AGAP1: variants seen among roughly 807,000 people sequenced by gnomAD.
AGAP1 encodes arf-GAP with GTPase, ANK repeat and PH domain-containing protein 1.
Under a neutral mutation model 105.3 loss-of-function variants are expected in AGAP1, and 29 were observed. The observed-to-expected ratio is 0.28, with a 90% CI of 0.21 to 0.38. The LOEUF is 0.38. Ranked by LOEUF, AGAP1 falls within the 10% of genes least tolerant of loss-of-function variation. The pLI is 1.00. For synonymous variants in AGAP1, 509 were observed against 485.9 expected, an observed-to-expected ratio of 1.05 and a Z score of -0.63; for missense variants, 998 against 1,165.1, an observed-to-expected ratio of 0.86 and a Z score of 2.09.
intron 1 of AGAP1, among the ~76,000 whole-genome samples, chr2:235,497,723 T>G (rs934557639): frequency 6.6e-6 from 1 of 152,206 alleles, no homozygotes; most frequent in East Asian, 1.9e-4. Flanking sequence ...GCCTCCCGAG[T>G]AGCTGGGACT....
chr2:236,100,832 GAA>G (rs72435294), intron 16 of AGAP1, among the ~76,000 whole-genome samples: 7 of 108,780 alleles, frequency 6.4e-5, no homozygotes, highest in Admixed American at 9.7e-5. Flanking sequence ...TCCCTCTCAA[GAA>G]AAAAAAAAAA....
chr2:235,784,393 G>A (rs1037768117), intron 6 of AGAP1, among the ~76,000 whole-genome samples: 1 of 152,110 alleles, frequency 6.6e-6, no homozygotes, highest in African/African-American at 2.4e-5. Context: ...CTAAATCACA[G>A]CAGATTACAG....
chr2:235,836,174 G>A (rs543258480), intron 9 of AGAP1, among the ~76,000 whole-genome samples: 9 of 152,156 alleles, frequency 5.9e-5, no homozygotes, highest in Non-Finnish European at 1.3e-4. Flanking sequence ...AGAGTAAACT[G>A]AACAGCACAG....
rs914185244 is a variant in AGAP1 at position 236,001,359 on chromosome 2, G to A, written c.1645+32736G>A. ...CGGTGCATTGTGGCAGGTGCAGGCCGCTAGTGCCCCCCACCCAGTCTCTGT... is the reference window on the plus strand; with the variant it reads ...CGGTGCATTGTGGCAGGTGCAGGCCACTAGTGCCCCCCACCCAGTCTCTGT... On this transcript the variant is annotated intron_variant, in intron 13 of 17. Coordinates refer to ENST00000304032, the MANE Select transcript of AGAP1 (RefSeq NM_001037131.3). This position sits in a 1 kb window ranked among gnomAD's most constrained non-coding sequence, Gnocchi z 4.7. Among the ~76,000 whole-genome samples the A allele has an allele frequency of 5.9e-5, 9 of 152,214 alleles. No homozygotes were observed. Among genetic ancestry groups the A allele is most frequent in the Non-Finnish European group, 8.8e-5 (6 of 68,042 alleles).
At chr2:235,634,244 A>G (rs922522020) in intron 1 of AGAP1, among the ~76,000 whole-genome samples, 11 of 152,330 alleles carry the variant, frequency 7.2e-5, no homozygotes, top group African/African-American at 2.6e-4. Flanking sequence ...GCATTGGTGC[A>G]TTGCTAGAGG....
chr2:235,902,709 C>G (rs954128209), intron 10 of AGAP1, among the ~76,000 whole-genome samples: 1 of 152,072 alleles, frequency 6.6e-6, no homozygotes, highest in South Asian at 2.1e-4. Flanking sequence ...AAATCTTGTC[C>G]CACCAAAAAA....
chr2:235,823,566 G>T (rs1242557070), intron 9 of AGAP1, among the ~76,000 whole-genome samples: 1 of 152,172 alleles, frequency 6.6e-6, no homozygotes, highest in Non-Finnish European at 1.5e-5. Context: ...TAAAGAGCTT[G>T]CTCAAGGTCC....
rs754635107 is a variant in AGAP1, at chr2:235,965,585, C to A, written c.1484-2877C>A. Among the ~76,000 whole-genome samples, 6 of 152,208 alleles carry A rather than the reference C, an allele frequency of 3.9e-5. No homozygotes were observed. The East Asian group carries it at 5.8e-4, about 15-fold the overall frequency. On this transcript the variant is annotated intron_variant, in intron 12 of 17. Coordinates refer to ENST00000304032, the MANE Select transcript of AGAP1 (RefSeq NM_001037131.3). This position sits in a 1 kb window ranked among gnomAD's most constrained non-coding sequence, Gnocchi z 5.8. ...GACTTCAGCAAGTTACTTAACCTTC[C>A]CCTGTGCCTTGGTTTTCTAATCTGT...
chr2:235,798,153 C>T (rs1957327876), intron 7 of AGAP1, among the ~76,000 whole-genome samples: 1 of 152,110 alleles, frequency 6.6e-6, no homozygotes, highest in Non-Finnish European at 1.5e-5. Context: ...CTGCAGTCCT[C>T]GCTGGTGATT....
intron 1 of AGAP1, among the ~76,000 whole-genome samples, chr2:235,686,501 T>C (rs1218817495): frequency 1.3e-5 from 2 of 148,742 alleles, no homozygotes; most frequent in East Asian, 4.0e-4. Context: ...CGTACACTGC[T>C]GACAGATTGA....
chr2:235,791,424 C>CT (rs895950244), intron 6 of AGAP1, among the ~76,000 whole-genome samples: 10 of 151,730 alleles, frequency 6.6e-5, no homozygotes, highest in African/African-American at 2.4e-4. Context: ...CTTTTCTTTT[C>CT]TTTTTTTTGT....
rs185574675 is a variant in AGAP1, at chr2:235,728,230, C to T, written c.310+10586C>T. Among the ~76,000 whole-genome samples the T allele has an allele frequency of 2.9e-3, 439 of 152,082 alleles. No homozygotes were observed. The highest frequency in any genetic ancestry group is 9.9e-3 in the African/African-American group (410 of 41,452). On this transcript the variant is annotated intron_variant, in intron 3 of 17. Coordinates refer to ENST00000304032, the MANE Select transcript of AGAP1 (RefSeq NM_001037131.3). The surrounding 1 kb of genome is among the most constrained non-coding windows in gnomAD (Gnocchi z 4.3). ...AGAATCTGAGATGTAGTGAAAGTGC[C>T]CCCAAGCTCCCCGCTCCATTTCATG...
At chr2:235,710,816 G>T (rs1458661439) in intron 2 of AGAP1, among the ~76,000 whole-genome samples, 1 of 152,182 alleles carries the variant, frequency 6.6e-6, no homozygotes. Context: ...CCACTCGGGT[G>T]CTGTGATGGG....
intron 9 of AGAP1, among the ~76,000 whole-genome samples, chr2:235,828,949 C>G (rs1371981614): frequency 6.6e-6 from 1 of 152,174 alleles, no homozygotes; most frequent in Non-Finnish European, 1.5e-5. Flanking sequence ...AGTTCTGAGC[C>G]TCAGTTTTGG....
Position 236,051,202 on chromosome 2 carries a change from C to T in AGAP1, c.2114+1921C>T, listed in dbSNP as rs1223098411. ...GGTAACTGTGGAATTTCTAAGTTCC[C>T]TTTGCACCTAAGAAGATAAACACAT... On this transcript the variant is annotated intron_variant, in intron 16 of 17. Transcript: ENST00000304032. The surrounding 1 kb of genome is among the most constrained non-coding windows in gnomAD (Gnocchi z 5.9). Among the ~76,000 whole-genome samples, 5 of 152,302 alleles carry T rather than the reference C, an allele frequency of 3.3e-5. No individual in the cohort carries two copies. The East Asian group carries it at 9.6e-4, about 29-fold the overall frequency.
chr2:235,858,809 C>T (rs950320961), intron 9 of AGAP1, among the ~76,000 whole-genome samples: 5 of 152,200 alleles, frequency 3.3e-5, no homozygotes, highest in Non-Finnish European at 7.3e-5. Flanking sequence ...TAACAGTGCT[C>T]ACACCCAGAG....
intron 1 of AGAP1, among the ~76,000 whole-genome samples, chr2:235,514,831 C>T (rs367724250): frequency 2.6e-5 from 4 of 152,174 alleles, no homozygotes; most frequent in East Asian, 1.9e-4. Context: ...ATGAGGGAGG[C>T]GGGATGGACT....
At chr2:235,503,740 G>C (rs1161762926) in intron 1 of AGAP1, among the ~76,000 whole-genome samples, 1 of 152,138 alleles carries the variant, frequency 6.6e-6, no homozygotes, top group African/African-American at 2.4e-5. Flanking sequence ...TGGGACTCCA[G>C]ATGTGCACCA....
chr2:235,664,209 GTTTT>G lies in AGAP1; in HGVS notation c.164-44966_164-44963del, dbSNP rs1325503957. Among the ~76,000 whole-genome samples, 1 of 151,562 alleles carries G rather than the reference GTTTT, an allele frequency of 6.6e-6. No homozygotes were observed. Among genetic ancestry groups the G allele is most frequent in the South Asian group, 2.1e-4 (1 of 4,782 alleles). ...TAGATTGGATTTTAATATATAGTTT[GTTTT>G]TTTGTTTTTTTTTTCGAGACGGAGT... On this transcript the variant is annotated intron_variant, in intron 1 of 17. Coordinates refer to ENST00000304032, the MANE Select transcript of AGAP1 (RefSeq NM_001037131.3). The surrounding 1 kb of genome is among the most constrained non-coding windows in gnomAD (Gnocchi z 5.7).
Sources: allele counts gnomAD v4.1 joint callset (sites outside exome capture counted in the v4.1 genomes callset), GRCh38; gene constraint gnomAD v4.1.1; non-coding constraint Gnocchi (gnomAD v3.1); transcripts MANE v1.5; gene names NCBI Gene and HGNC (gene_info 2026-07-23, HGNC 2026-07-21).